WDFY3: variants seen among roughly 807,000 people sequenced by gnomAD.
The protein encoded by WDFY3 is WD repeat and FYVE domain containing 3, also known as WD repeat and FYVE domain-containing protein 3.
In WDFY3, 66 loss-of-function variants were observed where a neutral mutation model predicts 409.6. The ratio of observed to expected loss-of-function variants is 0.16; its 90% CI spans 0.13 to 0.20. The LOEUF (loss-of-function observed/expected upper bound fraction) is 0.20, where lower values mean the gene tolerates loss of function less well. Ranked by LOEUF, WDFY3 falls within the 10% of genes least tolerant of loss-of-function variation. The pLI is 1.00. For synonymous variants in WDFY3, 1,521 were observed against 1,537.1 expected (o/e 0.99, Z 0.25); for missense variants, 3,031 against 4,298.1 (o/e 0.71, Z 8.24).
At chr4:84,812,750 A>G (rs1752707586) in intron 13 of WDFY3, among the ~76,000 whole-genome samples, 1 of 152,190 alleles carries the variant, frequency 6.6e-6, no homozygotes. Context: ...CCAATAATTT[A>G]TATTATGTAC....
At chr4:84,709,497 G>T in intron 51 of WDFY3, 150 bp from the exon 52 acceptor site, 1 of 621,512 alleles carries the variant, frequency 1.6e-6, no homozygotes, top group Non-Finnish European at 2.8e-6. Context: ...TTAGTGGGTT[G>T]TGATCAGCAT....
intron 34 of WDFY3, 78 bp downstream of exon 34, chr4:84,755,187 CA>C (rs377766951): frequency 1.9e-6 from 3 of 1,567,896 alleles, no homozygotes; most frequent in African/African-American, 1.4e-5. Flanking sequence ...GTTATGTTAC[CA>C]AAAAATTCCT....
At chr4:84,769,110 T>G (rs980558452) in intron 30 of WDFY3, among the ~76,000 whole-genome samples, 2 of 152,230 alleles carry the variant, frequency 1.3e-5, no homozygotes, top group African/African-American at 4.8e-5. Context: ...AATCTCATGA[T>G]ACAACTTTAA....
intron 40 of WDFY3, 103 bp downstream of exon 40, chr4:84,738,907 G>T (rs1737929564): frequency 8.7e-7 from 1 of 1,145,836 alleles, no homozygotes; most frequent in Non-Finnish European, 1.3e-6. Flanking sequence ...TGGGAGAGTT[G>T]CTATCAATGC....
chr4:84,872,056 G>C (rs1578911852), intron 3 of WDFY3, among the ~76,000 whole-genome samples: 1 of 152,292 alleles, frequency 6.6e-6, no homozygotes, highest in East Asian at 1.9e-4. Flanking sequence ...GGAGAGGAGG[G>C]AGGAGCTGGT....
intron 32 of WDFY3, among the ~76,000 whole-genome samples, chr4:84,760,637 G>A (rs988051704): frequency 6.6e-6 from 1 of 151,868 alleles, no homozygotes; most frequent in African/African-American, 2.4e-5. Flanking sequence ...TATTTCTGTG[G>A]GATTGGTGGT....
intron 2 of WDFY3, among the ~76,000 whole-genome samples, chr4:84,909,788 C>A (rs896163735): frequency 4.6e-5 from 7 of 152,064 alleles, no homozygotes; most frequent in Admixed American, 4.6e-4. Flanking sequence ...GCAAGCAAGA[C>A]AAATATTTTC....
At position 84,803,374 on chromosome 4, in the gene WDFY3, A is replaced by G; in HGVS notation, c.2523T>C (p.Ser841=). Residue 841 remains serine (S), a synonymous_variant, in exon 16 of 68, where the codon AGT becomes AGC. Coordinates refer to ENST00000295888, the MANE Select transcript of WDFY3 (RefSeq NM_014991.6). ...KLHVTTSSLQ[S]SDAVIIHPGA... Reference sequence around the variant, plus strand: ...CAGGATGAATGATGACTGCATCAGAACTCTGCAGAGATGAAGTTGTCACAT... The same window carrying G: ...CAGGATGAATGATGACTGCATCAGAGCTCTGCAGAGATGAAGTTGTCACAT... 6.2e-7 allele frequency: 1 copy of G among 1,614,100 alleles called. No homozygotes were observed. The highest frequency in any genetic ancestry group is 8.5e-7 in the Non-Finnish European group (1 of 1,180,018).
At chr4:84,722,383 T>A (rs2149091962) in intron 46 of WDFY3, among the ~76,000 whole-genome samples, 1 of 152,120 alleles carries the variant, frequency 6.6e-6, no homozygotes, top group South Asian at 2.1e-4. Flanking sequence ...CAAGACTCTG[T>A]CTCAAAAAAA....
chr4:84,935,309 T>C (rs1456431466), intron 1 of WDFY3, among the ~76,000 whole-genome samples: 4 of 152,196 alleles, frequency 2.6e-5, no homozygotes, highest in African/African-American at 7.2e-5. Flanking sequence ...TAAAGTGTGT[T>C]TGGCAATTTA....
At chr4:84,862,013 G>C (rs1190330066) in intron 3 of WDFY3, among the ~76,000 whole-genome samples, 1 of 152,190 alleles carries the variant, frequency 6.6e-6, no homozygotes, top group Non-Finnish European at 1.5e-5. Context: ...TTTTGCTACA[G>C]AACCACATAT....
At chr4:84,763,260 C>T (rs1275410121) in intron 32 of WDFY3, among the ~76,000 whole-genome samples, 2 of 152,048 alleles carry the variant, frequency 1.3e-5, no homozygotes, top group African/African-American at 4.8e-5. Context: ...AACCATCATC[C>T]TCAGCAAACT....
chr4:84,696,045 G>A lies in WDFY3; in HGVS notation c.8826C>T (p.Ile2942=). The change falls in exon 58 of 68, where the codon ATC becomes ATT. Residue 2942 remains isoleucine (I), a synonymous_variant. Transcript: ENST00000295888. ...HHLFYEGQVD[I]YNINDPLKET... ...CCTTTAGTGGGTCATTGATGTTGTA[G>A]ATATCCACTTGACCCTCATAAAAAA... 3.1e-6 allele frequency: 5 copies of A among 1,614,120 alleles called. No homozygotes were observed. Among genetic ancestry groups the A allele is most frequent in the Non-Finnish European group, 4.2e-6 (5 of 1,180,024 alleles).
At chr4:84,696,591 T>C in intron 57 of WDFY3, 141 bp downstream of exon 57, 5 of 714,740 alleles carry the variant, frequency 7.0e-6, no homozygotes, top group Non-Finnish European at 1.1e-5. Context: ...ACTGGGGTTC[T>C]TGGGATGTAT....
chr4:84,842,587 G>T (rs1034196889), intron 5 of WDFY3, among the ~76,000 whole-genome samples: 7 of 151,898 alleles, frequency 4.6e-5, no homozygotes, highest in African/African-American at 1.7e-4. Flanking sequence ...AGGCCATCTT[G>T]GCCACTAACA....
intron 30 of WDFY3, among the ~76,000 whole-genome samples, chr4:84,769,582 T>A (rs1231369709): frequency 6.6e-6 from 1 of 151,632 alleles, no homozygotes; most frequent in Non-Finnish European, 1.5e-5. Context: ...GCCCGGCTAA[T>A]TTTTTTTGTG....
At chr4:84,834,425 T>G (rs762160025) in intron 7 of WDFY3, among the ~76,000 whole-genome samples, 98 of 151,792 alleles carry the variant, frequency 6.5e-4, no homozygotes, top group Admixed American at 1.6e-3. Flanking sequence ...GGCGGGAGGA[T>G]CACTTGAGCC....
chr4:84,880,707 A>G (rs1465309967), intron 3 of WDFY3, among the ~76,000 whole-genome samples: 2 of 70,450 alleles, frequency 2.8e-5, no homozygotes, highest in Non-Finnish European at 6.2e-5. Context: ...ATATATATAT[A>G]TATATATATA....
chr4:84,743,415 T>A (rs952632788), intron 37 of WDFY3, among the ~76,000 whole-genome samples: 1 of 152,188 alleles, frequency 6.6e-6, no homozygotes, highest in Non-Finnish European at 1.5e-5. Flanking sequence ...GTGGTCCATA[T>A]GAACAAGAAT....
Sources: allele counts gnomAD v4.1 joint callset (sites outside exome capture counted in the v4.1 genomes callset), GRCh38; gene constraint gnomAD v4.1.1; transcripts MANE v1.5; gene names NCBI Gene and HGNC (gene_info 2026-07-23, HGNC 2026-07-21).